The following KIAA0513 variants were observed in gnomAD, a reference collection of about 807,000 sequenced individuals.
KIAA0513 encodes the protein uncharacterized protein KIAA0513.
KIAA0513 carries 39 observed loss-of-function variants against 56.5 expected under a neutral mutation model. That is an observed-to-expected ratio of 0.69 (90% CI 0.53 to 0.90). The LOEUF (loss-of-function observed/expected upper bound fraction) is 0.90. Among genes scored for constraint, KIAA0513 ranks in the 40% least tolerant of loss-of-function variants. The pLI is 0.00. For missense variants in KIAA0513, 591 were observed against 535.2 expected, an observed-to-expected ratio of 1.10 and a Z score of -1.03; for synonymous variants, 268 against 215.6, an observed-to-expected ratio of 1.24 and a Z score of -2.13.
At chr16:85,049,643 C>T (rs1394513223) in intron 1 of KIAA0513, among the ~76,000 whole-genome samples, 1 of 152,210 alleles carries the variant, frequency 6.6e-6, no homozygotes, top group Non-Finnish European at 1.5e-5. Context: ...GACGTGGCTG[C>T]TCCCTCTTAA....
At chr16:85,074,116 G>A (rs572805478) in intron 4 of KIAA0513, among the ~76,000 whole-genome samples, 2 of 151,646 alleles carry the variant, frequency 1.3e-5, no homozygotes, top group African/African-American at 4.8e-5. Context: ...CTGGGATTAC[G>A]GGCACGCACT....
chr16:85,044,856 C>G (rs113264191), intron 1 of KIAA0513, among the ~76,000 whole-genome samples: 9,410 of 151,992 alleles, frequency 0.062, 274 homozygotes, highest in Non-Finnish European at 0.066. Context: ...TGGTGGCTCA[C>G]ACCTGTAATC....
At chr16:85,051,495 C>G (rs2073251403) in intron 1 of KIAA0513, among the ~76,000 whole-genome samples, 1 of 152,194 alleles carries the variant, frequency 6.6e-6, no homozygotes, top group African/African-American at 2.4e-5. Flanking sequence ...ATCCCCATTC[C>G]CCTTCCCGCT....
intron 1 of KIAA0513, among the ~76,000 whole-genome samples, chr16:85,065,749 G>A (rs2073471828): frequency 6.6e-6 from 1 of 152,190 alleles, no homozygotes; most frequent in African/African-American, 2.4e-5. Flanking sequence ...GCTCTGCTCT[G>A]AGGGGCTGTC....
chr16:85,029,974 G>A (rs1017577667), intron 1 of KIAA0513, among the ~76,000 whole-genome samples: 2 of 152,172 alleles, frequency 1.3e-5, no homozygotes, highest in Non-Finnish European at 2.9e-5. Context: ...TAACCCAACC[G>A]TCTGACGCTG....
At chr16:85,034,862 C>T (rs1179374707) in intron 1 of KIAA0513, among the ~76,000 whole-genome samples, 1 of 152,178 alleles carries the variant, frequency 6.6e-6, no homozygotes, top group African/African-American at 2.4e-5. Flanking sequence ...GCAGCGCCAG[C>T]ACATGGGTCA....
chr16:85,086,556 C>G (rs2073810877), intron 10 of KIAA0513, 88 bp from the exon 11 acceptor site: 1 of 1,312,596 alleles, frequency 7.6e-7, no homozygotes, highest in Non-Finnish European at 1.1e-6. Context: ...ATGGGTGCCG[C>G]CAGCACCTGC....
chr16:85,092,526 C>T lies in KIAA0513; in HGVS notation c.*4201C>T, dbSNP rs2073879781. Reference sequence around the variant, plus strand: ...AGGTGTTCTGAGGCTGGTCCCTCCTCAGTTTCCGCAGCCACAAGGCGAAAC... The same window carrying T: ...AGGTGTTCTGAGGCTGGTCCCTCCTTAGTTTCCGCAGCCACAAGGCGAAAC... On this transcript the variant is annotated 3_prime_UTR_variant, in exon 13 of 13. Coordinates refer to ENST00000683363, the MANE Select transcript of KIAA0513 (RefSeq NM_001388359.1). 1 of 152,196 alleles carries T rather than the reference C, an allele frequency of 6.6e-6. No individual in the cohort carries two copies. 9.4% of individuals were successfully genotyped at this position (152,196 alleles called of 1,614,324 possible). A position where few individuals can be genotyped will look rare whatever the true frequency, so the allele number is the denominator to read the frequency against.
intron 1 of KIAA0513, among the ~76,000 whole-genome samples, chr16:85,032,279 C>G (rs996847155): frequency 2.0e-5 from 3 of 152,208 alleles, no homozygotes; most frequent in African/African-American, 4.8e-5. Context: ...GGGTCTGCCT[C>G]TCTTCTCCTC....
At chr16:85,056,909 T>C (rs372182451) in intron 1 of KIAA0513, among the ~76,000 whole-genome samples, 3 of 152,214 alleles carry the variant, frequency 2.0e-5, no homozygotes, top group Admixed American at 6.5e-5. Flanking sequence ...CTCTCTTTGT[T>C]GCCCACACTG....
chr16:85,030,834 G>T (rs1251376678), intron 1 of KIAA0513, among the ~76,000 whole-genome samples: 1 of 152,118 alleles, frequency 6.6e-6, no homozygotes, highest in Non-Finnish European at 1.5e-5. Context: ...GGGCATCATG[G>T]GGAGGAGTCC....
intron 1 of KIAA0513, among the ~76,000 whole-genome samples, chr16:85,058,512 T>C (rs1597614222): frequency 6.6e-6 from 1 of 150,828 alleles, no homozygotes; most frequent in Non-Finnish European, 1.5e-5. Flanking sequence ...ATTAGCCGGG[T>C]GGGGTGGCGC....
At chr16:85,028,004 G>A in intron 1 of KIAA0513, 146 bp downstream of exon 1, 1 of 152,080 alleles carries the variant, frequency 6.6e-6, no homozygotes, top group Non-Finnish European at 1.5e-5. Context: ...GGGAGGAGGG[G>A]TCCGCGGGGC....
rs370075510 is a variant in KIAA0513 at position 85,077,344 on chromosome 16, G to T, written c.575-81G>T. ...TATCCCCACTGCACAGGACCCCTGC[G>T]GGGCTCCCTCTGGGCCTCTGCAGTT... On this transcript the variant is annotated intron_variant, in intron 5 of 12. Transcript: ENST00000683363. The T allele has an allele frequency of 1.9e-5, 26 of 1,352,652 alleles. No homozygotes were observed. In the African/African-American group the frequency reaches 3.6e-4, roughly 19 times the overall value. 83.8% of individuals were successfully genotyped at this position (1,352,652 alleles called of 1,614,324 possible).
chr16:85,059,587 CCACGTTT>C (rs1321805025), intron 1 of KIAA0513, among the ~76,000 whole-genome samples: 1 of 152,226 alleles, frequency 6.6e-6, no homozygotes, highest in Non-Finnish European at 1.5e-5. Context: ...TTCTCCAGCC[CCACGTTT>C]CTCATCTCTC....
At chr16:85,082,615 T>C (rs199983813) in intron 10 of KIAA0513, 22 bp downstream of exon 10, 2 of 1,613,916 alleles carry the variant, frequency 1.2e-6, no homozygotes, top group East Asian at 4.5e-5. Flanking sequence ...CACGTGACTT[T>C]GTTCCATTTT....
At chr16:85,083,277 G>A (rs1235378574) in intron 10 of KIAA0513, among the ~76,000 whole-genome samples, 1 of 152,224 alleles carries the variant, frequency 6.6e-6, no homozygotes, top group Non-Finnish European at 1.5e-5. Context: ...CCTTTGTGAT[G>A]TATTTTTAGA....
chr16:85,035,471 GCT>G (rs2073022773), intron 1 of KIAA0513, among the ~76,000 whole-genome samples: 1 of 152,052 alleles, frequency 6.6e-6, no homozygotes, highest in Non-Finnish European at 1.5e-5. Flanking sequence ...CTTTGCTTAC[GCT>G]GTTTGTTTTG....
At chr16:85,072,152 A>G (rs2073586516) in intron 3 of KIAA0513, among the ~76,000 whole-genome samples, 1 of 152,194 alleles carries the variant, frequency 6.6e-6, no homozygotes, top group Non-Finnish European at 1.5e-5. Flanking sequence ...CAGGAGCTTG[A>G]GACCAGCTTG....
Sources: allele counts gnomAD v4.1 joint callset (sites outside exome capture counted in the v4.1 genomes callset), GRCh38; gene constraint gnomAD v4.1.1; transcripts MANE v1.5; gene names NCBI Gene and HGNC (gene_info 2026-07-23, HGNC 2026-07-21).